Variants in DOCK11 observed in about 807,000 individuals in gnomAD.
The protein encoded by DOCK11 is dedicator of cytokinesis 11.
DOCK11 carries 70 observed loss-of-function variants against 169.1 expected under a neutral mutation model. The ratio of observed to expected loss-of-function variants is 0.41; its 90% CI spans 0.34 to 0.51. The LOEUF (loss-of-function observed/expected upper bound fraction) is 0.51. DOCK11 is among the 20% of genes least tolerant of loss of function. DOCK11 has a pLI of 0.10. For synonymous variants in DOCK11, 529 were observed against 541.3 expected (o/e 0.98, Z 0.32); for missense variants, 1,166 against 1,538.8 (o/e 0.76, Z 4.05).
At chrX:118,579,366 A>T (rs185819092) in intron 13 of DOCK11, among the ~76,000 whole-genome samples, 1 of 111,761 alleles carries the variant, frequency 8.9e-6, no homozygotes, top group East Asian at 2.8e-4. Flanking sequence ...AGACCCCAGG[A>T]GGGAAAGGTT....
Position 118,649,016 on chromosome X carries a change from C to T in DOCK11, c.4470C>T (p.Cys1490=). The change falls in exon 41 of 53, where the codon TGC becomes TGT. Residue 1490 remains cysteine, a synonymous_variant. Transcript: ENST00000276202. ...AAFCYEVLKC[C]TSKISSTRNE... ...TTTGCTATGAGGTTTTAAAGTGCTG[C>T]ACATCGAAGATTAGCTCAACCAGGA... 1 of 1,208,470 alleles carries T rather than the reference C, an allele frequency of 8.3e-7. No individual in the cohort carries two copies. The highest frequency in any genetic ancestry group is 1.1e-6 in the Non-Finnish European group (1 of 893,437).
At chrX:118,592,452 C>G (rs932379430) in intron 19 of DOCK11, among the ~76,000 whole-genome samples, 1 of 111,808 alleles carries the variant, frequency 8.9e-6, no homozygotes, top group African/African-American at 3.3e-5. Context: ...TGTCAATGAA[C>G]ATGCTTTCAA....
chrX:118,594,575 T>C (rs1049004546), intron 20 of DOCK11, among the ~76,000 whole-genome samples: 4 of 112,077 alleles, frequency 3.6e-5, no homozygotes, highest in African/African-American at 9.7e-5. Context: ...AACTGTATTA[T>C]GTACAAGATA....
At chrX:118,496,098 C>T (rs1487155298) in intron 1 of DOCK11, 25 bp downstream of exon 1, 17 of 965,066 alleles carry the variant, frequency 1.8e-5, no homozygotes, top group Non-Finnish European at 1.7e-5. Context: ...GACGGGGCAT[C>T]CCGGGGGACG....
chrX:118,551,567 G>A (rs750715127), intron 6 of DOCK11, among the ~76,000 whole-genome samples: 1 of 110,479 alleles, frequency 9.1e-6, no homozygotes, highest in Non-Finnish European at 1.9e-5. Flanking sequence ...GCATGGTGAC[G>A]CATGCCTGTA....
At chrX:118,621,375 C>T (rs1287664860) in intron 31 of DOCK11, among the ~76,000 whole-genome samples, 1 of 111,967 alleles carries the variant, frequency 8.9e-6, no homozygotes, top group Non-Finnish European at 1.9e-5. Context: ...AGCATGTTTC[C>T]TATTAATGAT....
chrX:118,612,831 T>C (rs1181092647), intron 28 of DOCK11, among the ~76,000 whole-genome samples: 1 of 112,061 alleles, frequency 8.9e-6, no homozygotes, highest in Non-Finnish European at 1.9e-5. Context: ...GGAAAGGCCA[T>C]CTGGTGCCAA....
chrX:118,630,360 G>A lies in DOCK11; in HGVS notation c.3775-19G>A, dbSNP rs776743879. 5 of 1,068,980 alleles carry A rather than the reference G, an allele frequency of 4.7e-6. No individual in the cohort carries two copies. The highest frequency in any genetic ancestry group is 4.6e-5 in the Admixed American group (2 of 43,613). The allele number at this position is 1,068,980 out of a possible 1,213,427, so 88.1% of individuals were successfully genotyped here. A position where few individuals can be genotyped will look rare whatever the true frequency, so the allele number is the denominator to read the frequency against. ...GAAAATTGTACTGATACTATTTCAC[G>A]AACATCCTGTCCTTACAGACCCGAC... is the stretch of plus-strand genomic sequence containing the variant. On this transcript the variant is annotated intron_variant, in intron 34 of 52. Coordinates refer to ENST00000276202, the MANE Select transcript of DOCK11 (RefSeq NM_144658.4).
rs1031236414 is a variant in DOCK11 at position 118,584,742 on chromosome X, T to C, written c.1603T>C (p.Phe535Leu). 2 of 1,155,505 alleles carry C rather than the reference T, an allele frequency of 1.7e-6. No individual in the cohort carries two copies. The highest frequency in any genetic ancestry group is 4.9e-4 in the Middle Eastern group (2 of 4,041). ...CTTCTGTTGCTGTTTTAGACCCATTTTCAAAGATACTCAAGGCTCTCTTGA... is the reference window on the plus strand; with the variant it reads ...CTTCTGTTGCTGTTTTAGACCCATTCTCAAAGATACTCAAGGCTCTCTTGA... ...MPFAWAARPIFKDTQGSLDLD... is the reference protein window; with the variant it reads ...MPFAWAARPILKDTQGSLDLD... The change falls in exon 15 of 53, where the codon TTC becomes CTC. Residue 535 changes from phenylalanine to leucine, a missense_variant. Transcript: ENST00000276202.
At chrX:118,602,784 G>T (rs753481954) in intron 23 of DOCK11, among the ~76,000 whole-genome samples, 1 of 111,807 alleles carries the variant, frequency 8.9e-6, no homozygotes, top group Non-Finnish European at 1.9e-5. Flanking sequence ...CAAGTAATCC[G>T]CCTACCTCAG....
intron 16 of DOCK11, among the ~76,000 whole-genome samples, chrX:118,587,867 G>A (rs948693941): frequency 1.8e-5 from 2 of 111,860 alleles, no homozygotes; most frequent in Non-Finnish European, 3.8e-5. Context: ...AAATTATGAT[G>A]TGTTATATTT....
chrX:118,654,652 T>A lies in DOCK11; in HGVS notation c.4746T>A (p.Thr1582=). The A allele has an allele frequency of 1.7e-6, 2 of 1,211,772 alleles. No homozygotes were observed. Among genetic ancestry groups the A allele is most frequent in the Non-Finnish European group, 2.2e-6 (2 of 895,468 alleles). ...AAGACTTGACCAAGAGAATCCGCAC[T>A]GTTCTTATGGCCACTGCCCAAATGA... is the stretch of plus-strand genomic sequence containing the variant. ...EVKDLTKRIR[T]VLMATAQMKE... The change falls in exon 43 of 53, where the codon ACT becomes ACA. Residue 1582 remains threonine, a synonymous_variant. Coordinates refer to ENST00000276202, the MANE Select transcript of DOCK11 (RefSeq NM_144658.4).
At chrX:118,638,213 G>A (rs1380171651) in intron 37 of DOCK11, 86 bp downstream of exon 37, 1 of 901,977 alleles carries the variant, frequency 1.1e-6, no homozygotes, top group Non-Finnish European at 1.6e-6. Context: ...AACCTAGGTT[G>A]CATACTTTGA....
chrX:118,681,415 A>T (rs2016740251), intron 50 of DOCK11, among the ~76,000 whole-genome samples, 167 bp downstream of exon 50: 1 of 112,729 alleles, frequency 8.9e-6, no homozygotes, highest in African/African-American at 3.2e-5. Flanking sequence ...TGAATTTTTT[A>T]AAGTTTTGTG....
intron 19 of DOCK11, among the ~76,000 whole-genome samples, chrX:118,591,919 G>A (rs1282559502): frequency 2.0e-5 from 2 of 102,247 alleles, no homozygotes; most frequent in African/African-American, 7.0e-5. Flanking sequence ...TGCTGAGAAT[G>A]ATGGTTTCCA....
chrX:118,507,618 G>A (rs2057622673), intron 1 of DOCK11, among the ~76,000 whole-genome samples: 1 of 111,973 alleles, frequency 8.9e-6, no homozygotes. Flanking sequence ...CCAAGGTGCT[G>A]GAATTACAGG....
intron 11 of DOCK11, 116 bp from the exon 12 acceptor site, chrX:118,573,690 A>C (rs1043021093): frequency 5.3e-6 from 3 of 564,929 alleles, no homozygotes; most frequent in Non-Finnish European, 8.6e-6. Flanking sequence ...TGAACTCAGA[A>C]AGGAATTGTA....
chrX:118,522,940 CTCTA>C (rs2147323246), intron 1 of DOCK11, among the ~76,000 whole-genome samples: 1 of 112,439 alleles, frequency 8.9e-6, no homozygotes, highest in East Asian at 2.8e-4. Flanking sequence ...ACTACGCTGA[CTCTA>C]TTTGCTCACT....
At chrX:118,614,665 C>T in intron 28 of DOCK11, 27 bp from the exon 29 acceptor site, 2 of 1,020,887 alleles carry the variant, frequency 2.0e-6, no homozygotes, top group Non-Finnish European at 2.7e-6. Context: ...ATGTAATTAA[C>T]CCTTAGTTTT....
Sources: allele counts gnomAD v4.1 joint callset (sites outside exome capture counted in the v4.1 genomes callset), GRCh38; gene constraint gnomAD v4.1.1; transcripts MANE v1.5; gene names NCBI Gene and HGNC (gene_info 2026-07-23, HGNC 2026-07-21).